Variants in MAP3K20 observed in about 807,000 individuals in gnomAD.
MAP3K20 encodes the protein HCCS-4.
A neutral mutation model predicts 85.7 loss-of-function variants in MAP3K20; 40 were observed. The observed-to-expected ratio is 0.47, with a 90% CI of 0.36 to 0.61. The LOEUF (loss-of-function observed/expected upper bound fraction) is 0.61, where lower values mean the gene tolerates loss of function less well. MAP3K20 is among the 20% of genes least tolerant of loss of function. MAP3K20 has a pLI of 0.00. For missense variants in MAP3K20, 817 were observed against 961.7 expected (o/e 0.85, Z 1.99); for synonymous variants, 325 against 327.7 (o/e 0.99, Z 0.09).
intron 16 of MAP3K20, among the ~76,000 whole-genome samples, chr2:173,257,831 A>T (rs758181607): frequency 1.3e-5 from 2 of 152,220 alleles, no homozygotes; most frequent in Non-Finnish European, 2.9e-5. Flanking sequence ...ATTTGATGTT[A>T]TCAGTCTTAG....
intron 1 of MAP3K20, among the ~76,000 whole-genome samples, chr2:173,084,605 G>A (rs1223531506): frequency 6.6e-6 from 1 of 151,844 alleles, no homozygotes; most frequent in East Asian, 1.9e-4. Flanking sequence ...AAGGATTCAG[G>A]GATCAATAGC....
chr2:173,209,703 A>ATGAT (rs1319922975), intron 9 of MAP3K20, 26 bp from the exon 10 acceptor site: 3 of 1,581,626 alleles, frequency 1.9e-6, no homozygotes, highest in East Asian at 2.2e-5. Flanking sequence ...GTCCCAGCGA[A>ATGAT]TGATTACTTA....
chr2:173,181,756 A>G (rs1342539079), intron 3 of MAP3K20, among the ~76,000 whole-genome samples: 1 of 152,110 alleles, frequency 6.6e-6, no homozygotes, highest in Non-Finnish European at 1.5e-5. Context: ...GAACTTTGAA[A>G]ACATTATGCG....
intron 14 of MAP3K20, among the ~76,000 whole-genome samples, chr2:173,237,848 T>A (rs528623583): frequency 6.6e-6 from 1 of 152,322 alleles, no homozygotes; most frequent in Non-Finnish European, 1.5e-5. Flanking sequence ...AATTGTTTTA[T>A]TTATTGCTTA....
chr2:173,127,674 CT>C (rs1369583292), intron 2 of MAP3K20, among the ~76,000 whole-genome samples: 1 of 151,466 alleles, frequency 6.6e-6, no homozygotes, highest in Non-Finnish European at 1.5e-5. Flanking sequence ...AAATAAGGTA[CT>C]AACTCCAAAA....
intron 14 of MAP3K20, among the ~76,000 whole-genome samples, chr2:173,234,938 T>C (rs1031877558): frequency 2.0e-5 from 3 of 152,018 alleles, no homozygotes; most frequent in Non-Finnish European, 4.4e-5. Flanking sequence ...CAGGAGGGTA[T>C]AAATGTGGAG....
At chr2:173,168,088 A>G (rs895222009) in intron 2 of MAP3K20, among the ~76,000 whole-genome samples, 11 of 73,704 alleles carry the variant, frequency 1.5e-4, no homozygotes, top group African/African-American at 3.3e-4. Context: ...TCTAATAATA[A>G]TAAATAAACT....
At chr2:173,208,640 ATTATATAT>A (rs1683773094) in intron 9 of MAP3K20, among the ~76,000 whole-genome samples, 1 of 151,412 alleles carries the variant, frequency 6.6e-6, no homozygotes, top group African/African-American at 2.5e-5. Flanking sequence ...GGCAGAACTC[ATTATATAT>A]CCTAGGTTTT....
At chr2:173,124,029 TGG>T (rs1688372042) in intron 2 of MAP3K20, among the ~76,000 whole-genome samples, 1 of 152,206 alleles carries the variant, frequency 6.6e-6, no homozygotes, top group African/African-American at 2.4e-5. Context: ...TTGTTTCTGT[TGG>T]CACTTCATTG....
At chr2:173,187,022 G>A (rs1020173883) in intron 4 of MAP3K20, among the ~76,000 whole-genome samples, 1 of 152,062 alleles carries the variant, frequency 6.6e-6, no homozygotes, top group African/African-American at 2.4e-5. Flanking sequence ...AGTCCTCCCA[G>A]TTCTCCCCAC....
intron 11 of MAP3K20, among the ~76,000 whole-genome samples, chr2:173,227,300 G>A (rs1574137018): frequency 2.0e-5 from 3 of 152,242 alleles, no homozygotes; most frequent in African/African-American, 7.2e-5. Context: ...GTAAAGTGAT[G>A]GGACAGTCAT....
At chr2:173,240,927 C>T (rs1318688194) in intron 16 of MAP3K20, among the ~76,000 whole-genome samples, 2 of 152,150 alleles carry the variant, frequency 1.3e-5, no homozygotes, top group Admixed American at 6.5e-5. Flanking sequence ...AATGGCATAC[C>T]GTTCCCAAAC....
chr2:173,226,565 A>G (rs1229782476), intron 11 of MAP3K20: 1 of 985,718 alleles, frequency 1.0e-6, no homozygotes, highest in African/African-American at 1.7e-5. Context: ...ATGATGAAAA[A>G]TGAGTATCCA....
intron 7 of MAP3K20, among the ~76,000 whole-genome samples, chr2:173,193,926 C>T (rs945190668): frequency 6.6e-6 from 1 of 152,152 alleles, no homozygotes; most frequent in African/African-American, 2.4e-5. Context: ...CTTACTGAAA[C>T]AAACTCGACC....
intron 10 of MAP3K20, among the ~76,000 whole-genome samples, chr2:173,213,738 G>C (rs1683984225): frequency 6.6e-6 from 1 of 152,154 alleles, no homozygotes; most frequent in South Asian, 2.1e-4. Context: ...TGTGGCCGTT[G>C]TTGTGCTGTC....
At chr2:173,257,506 C>T (rs1417267777) in intron 16 of MAP3K20, among the ~76,000 whole-genome samples, 1 of 152,056 alleles carries the variant, frequency 6.6e-6, no homozygotes, top group Non-Finnish European at 1.5e-5. Context: ...ATAATGTCTT[C>T]CTTTGTATTG....
At chr2:173,221,195 G>A (rs748660130) in intron 11 of MAP3K20, 10 of 1,573,160 alleles carry the variant, frequency 6.4e-6, no homozygotes, top group Non-Finnish European at 8.7e-6. Flanking sequence ...GTCTTACTTT[G>A]AATCTAAAAC....
chr2:173,120,701 CTTTTTTTTT>C (rs56084110), intron 2 of MAP3K20, among the ~76,000 whole-genome samples: 1 of 49,214 alleles, frequency 2.0e-5, no homozygotes, highest in Admixed American at 4.0e-4. Context: ...ACTCTCACTT[CTTTTTTTTT>C]TTTTTTTTTT....
At chr2:173,136,163 T>G (rs1028272975) in intron 2 of MAP3K20, among the ~76,000 whole-genome samples, 2 of 152,196 alleles carry the variant, frequency 1.3e-5, no homozygotes, top group African/African-American at 4.8e-5. Context: ...TGTTCCACTT[T>G]TAGGGAAAAA....
Sources: allele counts gnomAD v4.1 joint callset (sites outside exome capture counted in the v4.1 genomes callset), GRCh38; gene constraint gnomAD v4.1.1; transcripts MANE v1.5; gene names NCBI Gene and HGNC (gene_info 2026-07-23, HGNC 2026-07-21).